Variants in SEMA6D observed in about 807,000 individuals in gnomAD.
SEMA6D encodes semaphorin 6D, also known as semaphorin-6D.
A neutral mutation model predicts 106.6 loss-of-function variants in SEMA6D; 35 were observed. The observed-to-expected ratio is 0.33, with a 90% CI of 0.25 to 0.44. The LOEUF is 0.44. Among genes scored for constraint, SEMA6D ranks in the 20% least tolerant of loss-of-function variants. The pLI is 1.00. For synonymous variants in SEMA6D, 499 were observed against 487.7 expected, an observed-to-expected ratio of 1.02 and a Z score of -0.31; for missense variants, 1,185 against 1,345.9, an observed-to-expected ratio of 0.88 and a Z score of 1.87.
chr15:47,767,370 G>C (rs1269164743), intron 17 of SEMA6D: 1 of 283,590 alleles, frequency 3.5e-6, no homozygotes, highest in African/African-American at 2.2e-5. Context: ...GCCCACCCAA[G>C]CTTTCTTCTT....
intron 1 of SEMA6D, among the ~76,000 whole-genome samples, chr15:47,407,363 T>A (rs2040612331): frequency 1.5e-5 from 1 of 68,910 alleles, no homozygotes; most frequent in African/African-American, 5.6e-5. Flanking sequence ...AGCAAGACTC[T>A]ATCTCAAAAA....
chr15:47,642,729 G>A (rs1566954759), intron 4 of SEMA6D, among the ~76,000 whole-genome samples: 1 of 152,168 alleles, frequency 6.6e-6, no homozygotes. Flanking sequence ...ACAGGACTGA[G>A]TATATGATGG....
intron 1 of SEMA6D, among the ~76,000 whole-genome samples, chr15:47,399,189 AAAC>A (rs140044634): frequency 0.012 from 1,799 of 152,320 alleles, 41 homozygotes; most frequent in African/African-American, 0.041. Flanking sequence ...TGGAGATAAA[AAAC>A]AACAACAGAA....
intron 1 of SEMA6D, among the ~76,000 whole-genome samples, chr15:47,196,108 A>T (rs1595725256): frequency 6.6e-6 from 1 of 151,884 alleles, no homozygotes; most frequent in Non-Finnish European, 1.5e-5. Flanking sequence ...CACACGTTGT[A>T]GGTCCACTAG....
intron 1 of SEMA6D, among the ~76,000 whole-genome samples, chr15:47,348,727 C>CACCACACACACAG (rs1450109233): frequency 1.8e-5 from 1 of 57,054 alleles, no homozygotes; most frequent in African/African-American, 5.0e-5. Flanking sequence ...ACCACACACA[C>CACCACACACACAG]AGAGAGAGAG....
Position 47,515,962 on chromosome 15 carries a change from GT to G in SEMA6D, c.-87+45418del, listed in dbSNP as rs144546669. 2.2e-4 allele frequency among the ~76,000 whole-genome samples: 33 copies of G among 152,282 alleles called. 1 individual carries two copies. In the East Asian group the frequency reaches 6.4e-3, roughly 29 times the overall value. On this transcript the variant is annotated intron_variant, in intron 3 of 19. Coordinates refer to the SEMA6D transcript ENST00000558014. ...TTTCACAGCCAAAGCTATAATTTGG[GT>G]GGGTCTGAAAAGGATGACAGAGGTA...
At chr15:47,509,391 G>A (rs1322561618) in intron 3 of SEMA6D, among the ~76,000 whole-genome samples, 1 of 152,144 alleles carries the variant, frequency 6.6e-6, no homozygotes, top group Non-Finnish European at 1.5e-5. Context: ...AATAAAGACA[G>A]CTTGGTCTAG....
chr15:47,594,135 T>G (rs1266784877), intron 3 of SEMA6D, among the ~76,000 whole-genome samples: 1 of 152,244 alleles, frequency 6.6e-6, no homozygotes, highest in Non-Finnish European at 1.5e-5. Flanking sequence ...CTATCAAGGC[T>G]TAAACACTAT....
At chr15:47,588,973 A>T (rs558039007) in intron 3 of SEMA6D, among the ~76,000 whole-genome samples, 1 of 152,190 alleles carries the variant, frequency 6.6e-6, no homozygotes, top group Non-Finnish European at 1.5e-5. Flanking sequence ...GAAGCTAAGG[A>T]TGTTGCTAAA....
At position 47,770,852 on chromosome 15, in the gene SEMA6D, G is replaced by A; in HGVS notation, c.2289G>A (p.Gly763=). ...AATCCATGGTAATGGACCATCGAGG[G>A]CAACCTCCAGAGTTGGCTGCTCTTC... ...DTKSMVMDHR[G]QPPELAALPT... Residue 763 remains glycine (G), a synonymous_variant, in exon 19 of 19, where the codon GGG becomes GGA. Coordinates refer to ENST00000536845, the MANE Select transcript of SEMA6D (RefSeq NM_001358351.3). 1 of 1,613,908 alleles carries A rather than the reference G, an allele frequency of 6.2e-7. No individual in the cohort carries two copies. Among genetic ancestry groups the A allele is most frequent in the East Asian group, 2.2e-5 (1 of 44,814 alleles).
intron 4 of SEMA6D, among the ~76,000 whole-genome samples, chr15:47,609,886 C>T (rs377492488): frequency 3.9e-5 from 6 of 152,336 alleles, no homozygotes; most frequent in East Asian, 1.9e-4. Flanking sequence ...GCCACTGCCC[C>T]TGTGGCTTCA....
At chr15:47,430,994 G>A (rs1319919983) in intron 2 of SEMA6D, among the ~76,000 whole-genome samples, 1 of 152,096 alleles carries the variant, frequency 6.6e-6, no homozygotes, top group Non-Finnish European at 1.5e-5. Flanking sequence ...GATCATAGAT[G>A]GTGGCCATTT....
chr15:47,681,072 C>T lies in SEMA6D; in HGVS notation c.-54-78673C>T, dbSNP rs549034438. 2.0e-5 allele frequency among the ~76,000 whole-genome samples: 3 copies of T among 152,294 alleles called. No individual in the cohort carries two copies. In the South Asian group the frequency reaches 6.2e-4, roughly 32 times the overall value. On this transcript the variant is annotated intron_variant, in intron 4 of 19. Transcript: ENST00000558014. ...TAGAACTACTATATGATCCAACAAT[C>T]CCACTTCTGGGTATTTATGCAAAGG...
At chr15:47,448,884 T>C (rs886257575) in intron 2 of SEMA6D, among the ~76,000 whole-genome samples, 2 of 152,112 alleles carry the variant, frequency 1.3e-5, no homozygotes, top group African/African-American at 2.4e-5. Flanking sequence ...CCTTCCACCC[T>C]GTTCAGAACT....
intron 1 of SEMA6D, among the ~76,000 whole-genome samples, chr15:47,217,236 A>G (rs958873184): frequency 5.9e-5 from 9 of 152,316 alleles, no homozygotes; most frequent in African/African-American, 1.9e-4. Flanking sequence ...GAATGGAGCT[A>G]TAAATTGGCA....
At chr15:47,577,818 C>G (rs2142992285) in intron 3 of SEMA6D, among the ~76,000 whole-genome samples, 1 of 152,316 alleles carries the variant, frequency 6.6e-6, no homozygotes, top group African/African-American at 2.4e-5. Flanking sequence ...GTGTTCTATT[C>G]TTGCCTGTCA....
At chr15:47,570,270 G>C (rs1438615298) in intron 3 of SEMA6D, among the ~76,000 whole-genome samples, 1 of 152,126 alleles carries the variant, frequency 6.6e-6, no homozygotes, top group African/African-American at 2.4e-5. Context: ...GAGACCTGTG[G>C]ACTCATAAAG....
chr15:47,604,845 C>T (rs2076742276), intron 4 of SEMA6D, among the ~76,000 whole-genome samples: 1 of 149,876 alleles, frequency 6.7e-6, no homozygotes, highest in Non-Finnish European at 1.5e-5. Flanking sequence ...TGTAGGCGCC[C>T]ACCACCACCA....
At chr15:47,421,859 T>A (rs1269252826) in intron 2 of SEMA6D, among the ~76,000 whole-genome samples, 1 of 151,888 alleles carries the variant, frequency 6.6e-6, no homozygotes, top group African/African-American at 2.4e-5. Flanking sequence ...TGTGTAGGAC[T>A]ACAAACAGTA....
Sources: gnomAD v4.1 joint callset for allele counts (sites outside exome capture counted in the v4.1 genomes callset) on GRCh38, gnomAD v4.1.1 for gene constraint, MANE v1.5 for transcripts, NCBI Gene and HGNC (gene_info 2026-07-23, HGNC 2026-07-21) for gene names.